The following INTS7 variants were observed in gnomAD, a reference collection of about 807,000 sequenced individuals.
INTS7 encodes the protein integrator complex subunit 7.
INTS7 carries 46 observed loss-of-function variants against 109.2 expected under a neutral mutation model. The ratio of observed to expected loss-of-function variants is 0.42; its 90% CI spans 0.33 to 0.54. The LOEUF (loss-of-function observed/expected upper bound fraction) is 0.54. Ranked by LOEUF, INTS7 falls within the 20% of genes least tolerant of loss-of-function variation. INTS7 has a pLI of 0.07. For synonymous variants in INTS7, 412 were observed against 402.9 expected, an observed-to-expected ratio of 1.02 and a Z score of -0.27; for missense variants, 929 against 1,132.4, an observed-to-expected ratio of 0.82 and a Z score of 2.58.
intron 4 of INTS7, among the ~76,000 whole-genome samples, chr1:212,014,310 C>T (rs1023342954): frequency 2.0e-5 from 3 of 151,604 alleles, no homozygotes. Context: ...ACTAAAAATA[C>T]AAAAATTAGC....
Position 211,941,320 on chromosome 1 carries a change from A to G in INTS7, c.*504T>C, listed in dbSNP as rs200504276. ...GAAAAAACTAATAATAAAACAAGAA[A>G]GAACAATCTTTCTGGCCAGGATCCC... On this transcript the variant is annotated 3_prime_UTR_variant, in exon 20 of 20. Transcript: ENST00000366994. The G allele has an allele frequency of 0.32, 47,954 of 152,144 alleles. 8,846 individuals are homozygous for G. The highest frequency in any genetic ancestry group is 0.42 in the Middle Eastern group (124 of 292). The allele number at this position is 152,144 out of a possible 1,614,324, so 9.4% of individuals were successfully genotyped here. A position where few individuals can be genotyped will look rare whatever the true frequency, so the allele number is the denominator to read the frequency against.
intron 5 of INTS7, among the ~76,000 whole-genome samples, chr1:212,008,498 C>T (rs1238954304): frequency 6.6e-6 from 1 of 152,126 alleles, no homozygotes; most frequent in African/African-American, 2.4e-5. Context: ...AATAAATTCT[C>T]TTCTCATTCT....
At chr1:212,033,830 C>G (rs2970588) in intron 1 of INTS7, among the ~76,000 whole-genome samples, 1 of 152,180 alleles carries the variant, frequency 6.6e-6, no homozygotes, top group African/African-American at 2.4e-5. Flanking sequence ...GCCTGTAAAT[C>G]CCAGCACTTT....
At chr1:211,983,101 C>A (rs1438256187) in intron 8 of INTS7, among the ~76,000 whole-genome samples, 1 of 152,096 alleles carries the variant, frequency 6.6e-6, no homozygotes, top group East Asian at 1.9e-4. Context: ...AACAACTATC[C>A]TAAGAGTTCA....
chr1:211,968,013 C>A, intron 14 of INTS7, 32 bp from the exon 15 acceptor site: 1 of 1,171,140 alleles, frequency 8.5e-7, no homozygotes, highest in Non-Finnish European at 1.2e-6. Flanking sequence ...GACAAACAAA[C>A]ATGCTATCAT....
In INTS7 at chr1:211,946,627, G is replaced by A. The variant is rs368340303; in HGVS notation, c.2395C>T (p.Leu799=). ...ATTACCTTGATGCTGGTAGACTGTA[G>A]TTTCTGGAAAAAATATCTCTGGAAA... ...LSFQRYFFQK[L]QSTSIKLALS... is the part of the protein sequence containing the mutation. The change falls in exon 18 of 20, where the codon CTA becomes TTA. Residue 799 remains leucine, a synonymous_variant. Coordinates refer to ENST00000366994, the MANE Select transcript of INTS7 (RefSeq NM_015434.4). This position sits in a 1 kb window ranked among gnomAD's most constrained non-coding sequence, Gnocchi z 4.3. 2 of 1,609,606 alleles carry A rather than the reference G, an allele frequency of 1.2e-6. No homozygotes were observed. The highest frequency in any genetic ancestry group is 2.7e-5 in the African/African-American group (2 of 74,950).
chr1:212,021,164 A>G lies in INTS7; in HGVS notation c.143T>C (p.Phe48Ser). 6.2e-7 allele frequency: 1 copy of G among 1,613,522 alleles called. No individual in the cohort carries two copies. Among genetic ancestry groups the G allele is most frequent in the Non-Finnish European group, 8.5e-7 (1 of 1,179,544 alleles). Residue 48 changes from phenylalanine (F) to serine (S), a missense_variant, in exon 2 of 20, where the codon TTT becomes TCT. By Grantham distance (155) the Phe-to-Ser change is radical (BLOSUM62 -2). Around this residue, in one of 2 missense-constraint regions of INTS7, gnomAD observed 142 missense variants for 231.4 expected, o/e 0.61. Transcript: ENST00000366994. ...TGGATACTTCTGAAAAAGTCTGGGA[A>G]AGCGAACAACTGCTTCACACTGTTC... is the stretch of plus-strand genomic sequence containing the variant. ...LGEQCEAVVR[F>S]PRLFQKYPFP...
At chr1:212,014,594 G>A (rs572500922) in intron 4 of INTS7, among the ~76,000 whole-genome samples, 6 of 120,038 alleles carry the variant, frequency 5.0e-5, no homozygotes, top group South Asian at 6.1e-4. Flanking sequence ...CTCTGATGCC[G>A]AGCGGAGGCT....
At chr1:212,014,547 C>T in intron 4 of INTS7, among the ~76,000 whole-genome samples, 1 of 148,196 alleles carries the variant, frequency 6.7e-6, no homozygotes, top group South Asian at 2.2e-4. Flanking sequence ...TTTATCCTCT[C>T]CCTCCCCCTC....
In INTS7 at chr1:211,982,840, T is replaced by C. The variant is rs560220323; in HGVS notation, c.998-30A>G. 4 of 1,573,148 alleles carry C rather than the reference T, an allele frequency of 2.5e-6. No homozygotes were observed. The South Asian group carries it at 3.4e-5, about 14-fold the overall frequency. On this transcript the variant is annotated intron_variant, in intron 8 of 19. Coordinates refer to ENST00000366994, the MANE Select transcript of INTS7 (RefSeq NM_015434.4). The stretch of plus-strand genomic sequence containing the variant: ...AAAAGCAGAGAAAAGTAGTAGAAAT[T>C]GTAATTCAAATAGTTCAAAAGCAGT...
At chr1:211,987,688 A>G (rs975247357) in intron 8 of INTS7, among the ~76,000 whole-genome samples, 198 bp downstream of exon 8, 2 of 152,198 alleles carry the variant, frequency 1.3e-5, no homozygotes, top group Non-Finnish European at 2.9e-5. Flanking sequence ...TATATTATTG[A>G]CTTAAGATCA....
At position 212,035,522 on chromosome 1, in the gene INTS7, C is replaced by G. The variant is rs2102516614; in HGVS notation, c.-85G>C. The G allele has an allele frequency of 2.8e-6, 3 of 1,076,464 alleles. No homozygotes were observed. Among genetic ancestry groups the G allele is most frequent in the Admixed American group, 1.8e-5 (1 of 57,016 alleles). 66.7% of individuals were successfully genotyped at this position (1,076,464 alleles called of 1,614,324 possible). ...GCCATCTTCCCCCGCCGCCTTCTTGCTGGTTTTTCTTCCGCGCGCTGTCAA... is the reference window on the plus strand; with the variant it reads ...GCCATCTTCCCCCGCCGCCTTCTTGGTGGTTTTTCTTCCGCGCGCTGTCAA... On this transcript the variant is annotated 5_prime_UTR_variant, in exon 1 of 20. Transcript: ENST00000366994.
At chr1:212,025,206 G>A (rs1443348778) in intron 1 of INTS7, among the ~76,000 whole-genome samples, 1 of 152,152 alleles carries the variant, frequency 6.6e-6, no homozygotes, top group Non-Finnish European at 1.5e-5. Flanking sequence ...TCATTATGCT[G>A]AGTGAAAGAA....
At chr1:212,020,041 A>G (rs12123762) in intron 3 of INTS7, 81 bp downstream of exon 3, 11,615 of 1,018,876 alleles carry the variant, frequency 0.011, 77 homozygotes, top group Non-Finnish European at 0.014. Flanking sequence ...CTCAAAATGA[A>G]AAATGTAAAT....
At chr1:211,978,637 A>G in intron 10 of INTS7, 126 bp from the exon 11 acceptor site, 1 of 969,952 alleles carries the variant, frequency 1.0e-6, no homozygotes, top group Non-Finnish European at 1.5e-6. Flanking sequence ...ATAACATTTT[A>G]CTTCATAAGA....
intron 1 of INTS7, among the ~76,000 whole-genome samples, chr1:212,026,708 TG>T (rs2102499806): frequency 6.6e-6 from 1 of 152,312 alleles, no homozygotes; most frequent in South Asian, 2.1e-4. Flanking sequence ...GCAAAGGGGT[TG>T]AAAAAATCCA....
At chr1:211,966,259 G>A (rs75510815) in intron 16 of INTS7, 171 bp downstream of exon 16, 6,983 of 439,034 alleles carry the variant, frequency 0.016, 83 homozygotes, top group Non-Finnish European at 0.022. Flanking sequence ...GGAGGCAGGA[G>A]GTAAATCTAT....
rs765110539 is a variant in INTS7 at position 211,976,593 on chromosome 1, C to A, written c.1597G>T (p.Ala533Ser). 27 of 1,613,516 alleles carry A rather than the reference C, an allele frequency of 1.7e-5. No homozygotes were observed. The highest frequency in any genetic ancestry group is 2.3e-5 in the Non-Finnish European group (27 of 1,179,710). ...GWTVYRIARQ[A>S]SRMGNHDMAK... is the part of the protein sequence containing the mutation. ...AGGGTAACACATACCATTCTGGAAG[C>A]CTGTCTGGCAATACGGTATACAGTC... is the stretch of plus-strand genomic sequence containing the variant. Residue 533 changes from alanine (A) to serine (S), a missense_variant, in exon 12 of 20, where the codon GCT (alanine) becomes TCT (serine). By Grantham distance (99) the Ala-to-Ser change is moderately conservative. Around this residue, in one of 2 missense-constraint regions of INTS7, gnomAD observed 787 missense variants for 901.1 expected, o/e 0.87. Transcript: ENST00000366994.
At chr1:212,021,446 A>T (rs1410510731) in intron 1 of INTS7, among the ~76,000 whole-genome samples, 1 of 152,144 alleles carries the variant, frequency 6.6e-6, no homozygotes, top group African/African-American at 2.4e-5. Flanking sequence ...GGTAAGAGTT[A>T]AGAATATTCA....
Sources: gnomAD v4.1 joint callset for allele counts (sites outside exome capture counted in the v4.1 genomes callset) on GRCh38, gnomAD v4.1.1 for gene constraint, gnomAD v4.1.1 regional missense constraint, Gnocchi (gnomAD v3.1) non-coding constraint, MANE v1.5 for transcripts, NCBI Gene and HGNC (gene_info 2026-07-23, HGNC 2026-07-21) for gene names.